The following VIRMA variants were observed in gnomAD, a reference collection of about 807,000 sequenced individuals.
VIRMA encodes vir like m6A methyltransferase associated.
VIRMA carries 65 observed loss-of-function variants against 182.4 expected under a neutral mutation model. The observed-to-expected ratio is 0.36, with a 90% confidence interval of 0.29 to 0.44. VIRMA has a LOEUF of 0.44. VIRMA is among the 20% of genes least tolerant of loss of function. VIRMA has a pLI of 1.00. For synonymous variants in VIRMA, 709 were observed against 743.1 expected (o/e 0.95, Z 0.75); for missense variants, 1,752 against 2,158.1 (o/e 0.81, Z 3.73).
intron 8 of VIRMA, among the ~76,000 whole-genome samples, chr8:94,524,664 C>G (rs1434884320): frequency 6.6e-6 from 1 of 152,190 alleles, no homozygotes; most frequent in African/African-American, 2.4e-5. Flanking sequence ...TGGTCTCAAA[C>G]TCCTGACCTT....
intron 21 of VIRMA, 43 bp downstream of exon 21, chr8:94,492,609 C>T: frequency 1.3e-6 from 2 of 1,547,714 alleles, no homozygotes; most frequent in South Asian, 1.1e-5. Context: ...AATACATAAG[C>T]TTATGTGATG....
intron 2 of VIRMA, among the ~76,000 whole-genome samples, chr8:94,539,958 A>C (rs1815483086): frequency 6.6e-6 from 1 of 152,204 alleles, no homozygotes; most frequent in South Asian, 2.1e-4. Context: ...CGTTCTTGCC[A>C]GATTGCTGTC....
chr8:94,526,094 G>A (rs577364512), intron 8 of VIRMA, 129 bp downstream of exon 8: 6 of 692,930 alleles, frequency 8.7e-6, no homozygotes, highest in African/African-American at 3.6e-5. Context: ...CTAAATAACC[G>A]TTTTGAAATA....
intron 16 of VIRMA, among the ~76,000 whole-genome samples, chr8:94,500,052 C>CAAAAA (rs6150715): frequency 2.4e-5 from 2 of 82,522 alleles, no homozygotes; most frequent in African/African-American, 4.5e-5. Context: ...GGCTTCATCT[C>CAAAAA]AAAAAAAAAA....
intron 1 of VIRMA, chr8:94,546,927 T>A: frequency 2.2e-6 from 1 of 455,594 alleles, no homozygotes; most frequent in South Asian, 1.5e-5. Context: ...CAAACTTATA[T>A]CCCTAGCTTA....
chr8:94,509,719 A>G lies in VIRMA; in HGVS notation c.3848T>C (p.Val1283Ala). 6.2e-7 allele frequency: 1 copy of G among 1,613,752 alleles called. No individual in the cohort carries two copies. ...SVIRQQCVEY[V>A]TSILQSLCDQ... ...ACAGAGAGACTGCAAAATGGATGTG[A>G]CATATTCAACACACTGTTGGCGAAT... Residue 1283 changes from valine (V) to alanine (A), a missense_variant, in exon 15 of 24, where the codon GTC becomes GCC. This residue lies in a region of VIRMA where 777 missense variants were observed against 920.6 expected (regional missense o/e 0.84). Coordinates refer to ENST00000297591, the MANE Select transcript of VIRMA (RefSeq NM_015496.5).
chr8:94,528,231 C>CA (rs11368037), intron 7 of VIRMA, among the ~76,000 whole-genome samples: 1,056 of 91,462 alleles, frequency 0.012, 21 homozygotes, highest in East Asian at 0.088. Context: ...GACTTTGTCT[C>CA]AAAAAAAAAA....
At chr8:94,506,346 C>T (rs757969444) in intron 16 of VIRMA, among the ~76,000 whole-genome samples, 154 bp downstream of exon 16, 3 of 152,270 alleles carry the variant, frequency 2.0e-5, no homozygotes, top group Middle Eastern at 3.4e-3. Context: ...CCTTTCATTG[C>T]TAATTAATCT....
In VIRMA at chr8:94,494,834, T is replaced by C. The variant is rs758817547; in HGVS notation, c.4641+26A>G. ...GAAACAGAAAAAACAATAACGTTTT[T>C]CTAAATATTTAGTAATAATTTATAC... On this transcript the variant is annotated intron_variant, in intron 20 of 23. Coordinates refer to ENST00000297591, the MANE Select transcript of VIRMA (RefSeq NM_015496.5). 3 of 1,253,188 alleles carry C rather than the reference T, an allele frequency of 2.4e-6. No individual in the cohort carries two copies. The African/African-American group carries it at 4.5e-5, about 19-fold the overall frequency. 77.6% of individuals were successfully genotyped at this position (1,253,188 alleles called of 1,614,324 possible).
rs1207035114 is a variant in VIRMA at position 94,526,772 on chromosome 8, A to C, written c.1472T>G (p.Phe491Cys). ...GVISGLFELL[F>C]ADHVSSSLKL... ...AAGAGAAGATGATACGTGATCAGCA[A>C]ACAGAAGTTCAAATAATCCACTGAT... The change falls in exon 8 of 24, where the codon TTT (phenylalanine) becomes TGT (cysteine). Residue 491 changes from phenylalanine (F) to cysteine (C), a missense_variant. Phe to Cys is a radical substitution (Grantham distance 205). Around this residue, in one of 11 missense-constraint regions of VIRMA, gnomAD observed 401 missense variants for 455.1 expected, o/e 0.88. Transcript: ENST00000297591. 6.2e-7 allele frequency: 1 copy of C among 1,614,112 alleles called. No homozygotes were observed. The highest frequency in any genetic ancestry group is 1.1e-5 in the South Asian group (1 of 91,084).
At chr8:94,524,514 A>G (rs1480689071) in intron 8 of VIRMA, among the ~76,000 whole-genome samples, 1 of 152,032 alleles carries the variant, frequency 6.6e-6, no homozygotes, top group African/African-American at 2.4e-5. Context: ...CATGTTGGTC[A>G]GGCTGGTCTC....
intron 1 of VIRMA, 140 bp from the exon 2 acceptor site, chr8:94,544,082 A>T: frequency 1.8e-6 from 1 of 558,486 alleles, no homozygotes; most frequent in South Asian, 2.3e-5. Flanking sequence ...TATATTATTT[A>T]CAGTGTTGTA....
chr8:94,505,602 C>A (rs1814127696), intron 16 of VIRMA, among the ~76,000 whole-genome samples: 1 of 152,012 alleles, frequency 6.6e-6, no homozygotes, highest in East Asian at 1.9e-4. Flanking sequence ...CCCACCTCAG[C>A]TTCCCAAGTA....
At chr8:94,551,901 G>A (rs1395873146) in intron 1 of VIRMA, among the ~76,000 whole-genome samples, 1 of 152,226 alleles carries the variant, frequency 6.6e-6, no homozygotes, top group African/African-American at 2.4e-5. Context: ...ATTTTCTTTT[G>A]TAGAGACAGG....
intron 11 of VIRMA, 76 bp downstream of exon 11, chr8:94,514,793 A>G: frequency 2.7e-6 from 2 of 742,306 alleles, no homozygotes; most frequent in Middle Eastern, 2.4e-4. Context: ...TATCTACACA[A>G]GTGATTCAAT....
intron 1 of VIRMA, among the ~76,000 whole-genome samples, chr8:94,545,402 T>C: frequency 6.6e-6 from 1 of 152,206 alleles, no homozygotes; most frequent in East Asian, 1.9e-4. Flanking sequence ...AAGAATATCA[T>C]GCTTACCAAC....
In VIRMA at chr8:94,527,264, G is replaced by T. The variant is rs1815005533; in HGVS notation, c.980C>A (p.Ala327Asp). 6.2e-7 allele frequency: 1 copy of T among 1,613,586 alleles called. No individual in the cohort carries two copies. Among genetic ancestry groups the T allele is most frequent in the East Asian group, 2.2e-5 (1 of 44,852 alleles). ...KYPNFDVEYT[A>D]EDLASVPPMT... ...AGGAGGAACTGAAGCTAAGTCTTCAGCAGTGTATTCAACATCAAAGTTTGG... is the reference window on the plus strand; with the variant it reads ...AGGAGGAACTGAAGCTAAGTCTTCATCAGTGTATTCAACATCAAAGTTTGG... Residue 327 changes from alanine (A) to aspartate (D), a missense_variant, in exon 8 of 24, where the codon GCT becomes GAT. This residue lies in a region of VIRMA where 31 missense variants were observed against 68.4 expected (regional missense o/e 0.45). Transcript: ENST00000297591.
At chr8:94,500,052 C>CAAA (rs6150715) in intron 16 of VIRMA, among the ~76,000 whole-genome samples, 21 of 82,464 alleles carry the variant, frequency 2.5e-4, no homozygotes, top group African/African-American at 6.8e-4. Context: ...GGCTTCATCT[C>CAAA]AAAAAAAAAA....
At chr8:94,500,420 A>G (rs1019698255) in intron 16 of VIRMA, among the ~76,000 whole-genome samples, 4 of 152,318 alleles carry the variant, frequency 2.6e-5, no homozygotes, top group Admixed American at 6.5e-5. Flanking sequence ...AAAAATGTTA[A>G]TGGAAAAAGC....
Sources: allele counts gnomAD v4.1 joint callset (sites outside exome capture counted in the v4.1 genomes callset), GRCh38; gene constraint gnomAD v4.1.1; regional missense constraint gnomAD v4.1.1; transcripts MANE v1.5; gene names NCBI Gene and HGNC (gene_info 2026-07-23, HGNC 2026-07-21).